REV3L: variants seen among roughly 807,000 people sequenced by gnomAD.
The protein encoded by REV3L is REV3 like, DNA directed polymerase zeta catalytic subunit.
Under a neutral mutation model 299.4 loss-of-function variants are expected in REV3L, and 69 were observed. That is an observed-to-expected ratio of 0.23 (90% CI 0.19 to 0.28). REV3L has a LOEUF of 0.28. Ranked by LOEUF, REV3L falls within the 10% of genes least tolerant of loss-of-function variation. REV3L has a pLI of 1.00. For missense variants in REV3L, 3,128 were observed against 3,693.8 expected, an observed-to-expected ratio of 0.85 and a Z score of 3.97; for synonymous variants, 1,238 against 1,271.4, an observed-to-expected ratio of 0.97 and a Z score of 0.56.
At chr6:111,310,802 A>G in intron 29 of REV3L, 1 of 348,958 alleles carries the variant, frequency 2.9e-6, no homozygotes, top group Non-Finnish European at 5.1e-6. Flanking sequence ...AGGACTACCT[A>G]GTGATTTTGA....
intron 4 of REV3L, among the ~76,000 whole-genome samples, chr6:111,393,222 G>A (rs889193816): frequency 2.0e-5 from 3 of 152,000 alleles, no homozygotes; most frequent in Admixed American, 6.6e-5. Context: ...GGGTTTCACC[G>A]TGTTAGCCAG....
intron 1 of REV3L, among the ~76,000 whole-genome samples, chr6:111,473,777 G>A (rs1004345812): frequency 6.6e-6 from 1 of 151,922 alleles, no homozygotes; most frequent in African/African-American, 2.4e-5. Flanking sequence ...TCATGTTTCG[G>A]GGGGAGAGGG....
chr6:111,464,331 A>G (rs1330177592), intron 1 of REV3L, among the ~76,000 whole-genome samples: 1 of 152,216 alleles, frequency 6.6e-6, no homozygotes, highest in Non-Finnish European at 1.5e-5. Flanking sequence ...AAATATGATT[A>G]AAGTGAACTT....
intron 4 of REV3L, among the ~76,000 whole-genome samples, chr6:111,401,158 T>C (rs566446992): frequency 9.1e-4 from 139 of 152,314 alleles, no homozygotes; most frequent in African/African-American, 3.2e-3. Flanking sequence ...TGATAACTGT[T>C]GCTTTATAGT....
At chr6:111,465,707 TG>T (rs1449532128) in intron 1 of REV3L, among the ~76,000 whole-genome samples, 1 of 107,042 alleles carries the variant, frequency 9.3e-6, no homozygotes, top group African/African-American at 3.6e-5. Flanking sequence ...CACTCTAGCC[TG>T]GGCAACAAAG....
At chr6:111,426,255 T>C (rs752118597) in intron 1 of REV3L, among the ~76,000 whole-genome samples, 3 of 152,256 alleles carry the variant, frequency 2.0e-5, no homozygotes, top group Non-Finnish European at 2.9e-5. Flanking sequence ...AATTTGTTAC[T>C]GTAAAACTGA....
chr6:111,411,442 G>T (rs1784238783), intron 3 of REV3L, 38 bp downstream of exon 3: 1 of 1,236,410 alleles, frequency 8.1e-7, no homozygotes, highest in Admixed American at 2.2e-5. Flanking sequence ...ATACTTCAAT[G>T]ATAGTTATTC....
intron 16 of REV3L, 77 bp from the exon 17 acceptor site, chr6:111,359,091 G>A: frequency 8.3e-7 from 1 of 1,207,254 alleles, no homozygotes; most frequent in South Asian, 1.8e-5. Flanking sequence ...AGGCTCTAGG[G>A]AAATATGTAT....
intron 25 of REV3L, among the ~76,000 whole-genome samples, chr6:111,323,944 A>C (rs1251428040): frequency 1.3e-5 from 2 of 152,220 alleles, no homozygotes; most frequent in Non-Finnish European, 2.9e-5. Flanking sequence ...GAACAAAGGA[A>C]TAAATAATAA....
intron 1 of REV3L, among the ~76,000 whole-genome samples, chr6:111,445,242 G>C (rs1788709802): frequency 6.6e-6 from 1 of 152,178 alleles, no homozygotes; most frequent in Non-Finnish European, 1.5e-5. Context: ...AGGAAAGGTA[G>C]GGAGGGGGGC....
At chr6:111,335,895 T>G (rs2114855393) in intron 21 of REV3L, among the ~76,000 whole-genome samples, 1 of 152,256 alleles carries the variant, frequency 6.6e-6, no homozygotes, top group Admixed American at 6.5e-5. Flanking sequence ...TTGATGTTGC[T>G]CTATTCTTTT....
At chr6:111,384,513 C>CA (rs1269936038) in intron 9 of REV3L, among the ~76,000 whole-genome samples, 1 of 152,122 alleles carries the variant, frequency 6.6e-6, no homozygotes, top group Non-Finnish European at 1.5e-5. Context: ...CACTGATCAT[C>CA]AGATAAATGA....
At chr6:111,397,076 C>T (rs1158593001) in intron 4 of REV3L, among the ~76,000 whole-genome samples, 2 of 150,586 alleles carry the variant, frequency 1.3e-5, no homozygotes, top group East Asian at 3.9e-4. Flanking sequence ...TTTTTCATTT[C>T]TCTGATCTTT....
At chr6:111,404,250 G>A (rs949583370) in intron 4 of REV3L, among the ~76,000 whole-genome samples, 1 of 152,152 alleles carries the variant, frequency 6.6e-6, no homozygotes, top group African/African-American at 2.4e-5. Flanking sequence ...AAAAAAGCAT[G>A]GATGACAGTA....
At chr6:111,379,880 C>T in intron 11 of REV3L, 102 bp downstream of exon 11, 1 of 766,338 alleles carries the variant, frequency 1.3e-6, no homozygotes, top group Non-Finnish European at 2.2e-6. Context: ...CAATTTAGTT[C>T]ATAAGGTATT....
chr6:111,481,990 G>T (rs748813472), intron 1 of REV3L, among the ~76,000 whole-genome samples: 25 of 152,182 alleles, frequency 1.6e-4, no homozygotes, highest in Non-Finnish European at 2.9e-4. Context: ...TCTGGCTGTG[G>T]TTCCTAATAA....
At chr6:111,326,417 A>C (rs1774822153) in intron 25 of REV3L, among the ~76,000 whole-genome samples, 4 of 152,116 alleles carry the variant, frequency 2.6e-5, no homozygotes, top group Admixed American at 2.6e-4. Flanking sequence ...ATATCTTCTC[A>C]CCCCAGCTAA....
At chr6:111,332,969 A>T (rs1184030776) in intron 23 of REV3L, among the ~76,000 whole-genome samples, 154 bp downstream of exon 23, 1 of 152,206 alleles carries the variant, frequency 6.6e-6, no homozygotes, top group Non-Finnish European at 1.5e-5. Flanking sequence ...GTCAATTGGT[A>T]AGACAACTAT....
Position 111,374,311 on chromosome 6 carries a change from T to C in REV3L, c.4044A>G (p.Leu1348=). The C allele has an allele frequency of 6.2e-7, 1 of 1,613,976 alleles. No homozygotes were observed. Among genetic ancestry groups the C allele is most frequent in the Non-Finnish European group, 8.5e-7 (1 of 1,179,916 alleles). The change falls in exon 13 of 32, where the codon CTA becomes CTG. Residue 1348 remains leucine (L), a synonymous_variant. Coordinates refer to ENST00000368802, the MANE Select transcript of REV3L (RefSeq NM_001372078.1). ...RPHNQSAMFT[L]KESTLIQKNI... ...TTTTTTGAATTAACGTTGATTCCTT[T>C]AGAGTAAACATAGCACTTTGATTAT...
Sources: gnomAD v4.1 joint callset for allele counts (sites outside exome capture counted in the v4.1 genomes callset) on GRCh38, gnomAD v4.1.1 for gene constraint, MANE v1.5 for transcripts, NCBI Gene and HGNC (gene_info 2026-07-23, HGNC 2026-07-21) for gene names.